Variants in SAMSN1 observed in about 807,000 individuals in gnomAD.
SAMSN1 encodes SAM domain, SH3 domain and nuclear localization signals 1.
A neutral mutation model predicts 42.0 loss-of-function variants in SAMSN1; 31 were observed. The ratio of observed to expected loss-of-function variants is 0.74; its 90% CI spans 0.55 to 1.00. The LOEUF is 1.00. SAMSN1 is among the 50% of genes least tolerant of loss of function. The pLI is 0.00. For synonymous variants in SAMSN1, 178 were observed against 151.9 expected, an observed-to-expected ratio of 1.17 and a Z score of -1.26; for missense variants, 464 against 439.4, an observed-to-expected ratio of 1.06 and a Z score of -0.50.
At chr21:14,606,611 A>G (rs1982577141) in intron 5 of SAMSN1, among the ~76,000 whole-genome samples, 2 of 152,210 alleles carry the variant, frequency 1.3e-5, no homozygotes, top group Admixed American at 1.3e-4. Flanking sequence ...CTGAAAATTT[A>G]ACAATTAACC....
At chr21:14,650,792 GAA>G (rs1233292180) in intron 1 of SAMSN1, among the ~76,000 whole-genome samples, 1 of 151,440 alleles carries the variant, frequency 6.6e-6, no homozygotes, top group East Asian at 1.9e-4. Flanking sequence ...TAGACAGACT[GAA>G]AAAAAGAGAT....
chr21:14,587,612 A>G (rs1389757576), upstream of SAMSN1, among the ~76,000 whole-genome samples: 6 of 152,090 alleles, frequency 3.9e-5, no homozygotes, highest in Admixed American at 3.9e-4. Context: ...GCATGCACAC[A>G]TACCACTTTT....
intron 1 of SAMSN1, among the ~76,000 whole-genome samples, chr21:14,528,693 A>G (rs1455545826): frequency 6.6e-6 from 1 of 152,100 alleles, no homozygotes; most frequent in African/African-American, 2.4e-5. Flanking sequence ...TTTTTTCATT[A>G]CTTTTACTCA....
chr21:14,616,155 A>G (rs1230149974), intron 2 of SAMSN1: 6 of 343,934 alleles, frequency 1.7e-5, no homozygotes, highest in Non-Finnish European at 3.3e-5. Flanking sequence ...CCCTAGTGAA[A>G]AAGACTGATA....
intron 7 of SAMSN1, among the ~76,000 whole-genome samples, chr21:14,491,648 T>A (rs1008010967): frequency 6.6e-6 from 1 of 152,320 alleles, no homozygotes. Flanking sequence ...TTTGTCTAAT[T>A]CAGTATACAA....
intron 4 of SAMSN1, chr21:14,612,836 G>C (rs1372508130): frequency 5.8e-6 from 4 of 692,486 alleles, no homozygotes; most frequent in Non-Finnish European, 1.1e-5. Context: ...TGGGGAGACA[G>C]AATACATCGT....
At chr21:14,623,252 C>T (rs1316908215) in intron 2 of SAMSN1, among the ~76,000 whole-genome samples, 2 of 152,204 alleles carry the variant, frequency 1.3e-5, no homozygotes, top group Non-Finnish European at 2.9e-5. Context: ...ATGGCAGGAT[C>T]AAATTCACAC....
At position 14,629,747 on chromosome 21, in the gene SAMSN1, G is replaced by A. The variant is rs149182618; in HGVS notation, c.156+13255C>T. Among the ~76,000 whole-genome samples the A allele has an allele frequency of 2.9e-4, 44 of 152,254 alleles. 1 individual carries two copies. In the East Asian group the frequency reaches 6.0e-3, roughly 21 times the overall value. The stretch of plus-strand genomic sequence containing the variant: ...CTTTGCCATTTGTCTACTAGTGTGC[G>A]AAGAGAGCTTTATATCAATCCTAAA... On this transcript the variant is annotated intron_variant, in intron 2 of 15. Transcript: ENST00000647101.
chr21:14,578,464 C>T (rs1417847383), intron 2 of SAMSN1, among the ~76,000 whole-genome samples: 4 of 151,886 alleles, frequency 2.6e-5, no homozygotes, highest in African/African-American at 7.3e-5. Context: ...CCAAGCAGAT[C>T]ACAAGGTCAG....
At chr21:14,588,760 A>C (rs1397955174) in intron 7 of SAMSN1, among the ~76,000 whole-genome samples, 1 of 151,728 alleles carries the variant, frequency 6.6e-6, no homozygotes. Flanking sequence ...CGTCTATTCT[A>C]TCTCCAAAAT....
chr21:14,516,962 AT>A lies in SAMSN1; in HGVS notation c.208del (p.Met70Ter). 6.2e-7 allele frequency: 1 copy of A among 1,613,208 alleles called. No homozygotes were observed. Among genetic ancestry groups the A allele is most frequent in the Non-Finnish European group, 8.5e-7 (1 of 1,179,492 alleles). On this transcript the variant is annotated frameshift_variant, in exon 3 of 8. Transcript: ENST00000400566. LOFTEE classifies it high-confidence loss of function. ...SNNGGGLGKKMRAISWTMKKK... is the reference protein window; with the variant it reads ...SNNGGGLGKKXRAISWTMKKK... ...CTTCATTGTCCATGAAATAGCTCTC[AT>A]TTTTTTACCCAAACCGCCTCCATTA...
chr21:14,579,998 G>C (rs1051577949), intron 2 of SAMSN1, among the ~76,000 whole-genome samples: 8 of 152,132 alleles, frequency 5.3e-5, no homozygotes, highest in Admixed American at 2.0e-4. Flanking sequence ...GGCAGGATGT[G>C]TTTCATGGAT....
intron 7 of SAMSN1, chr21:14,496,165 C>G (rs1986907724): frequency 6.6e-6 from 1 of 152,180 alleles, no homozygotes; most frequent in Admixed American, 6.5e-5. Context: ...CGCCTTTTAC[C>G]TTCTGATATA....
chr21:14,492,802 T>G (rs116136), intron 7 of SAMSN1, among the ~76,000 whole-genome samples: 63,144 of 152,080 alleles, frequency 0.42, 13,389 homozygotes, highest in Non-Finnish European at 0.48. Context: ...TTAAATTGCA[T>G]GAGGGCAAAC....
At chr21:14,505,930 A>C (rs1302521375) in intron 5 of SAMSN1, among the ~76,000 whole-genome samples, 1 of 152,224 alleles carries the variant, frequency 6.6e-6, no homozygotes, top group Non-Finnish European at 1.5e-5. Flanking sequence ...AAAACTGGAA[A>C]TTAACTGCAA....
intron 2 of SAMSN1, among the ~76,000 whole-genome samples, chr21:14,581,610 C>T (rs953446512): frequency 5.3e-5 from 8 of 151,586 alleles, no homozygotes; most frequent in African/African-American, 1.5e-4. Context: ...CCTCCCGCCT[C>T]GGCCTCCCAA....
At chr21:14,597,578 G>A (rs1220329960) in intron 6 of SAMSN1, among the ~76,000 whole-genome samples, 2 of 152,170 alleles carry the variant, frequency 1.3e-5, no homozygotes, top group Non-Finnish European at 2.9e-5. Flanking sequence ...GCAGAGTTTA[G>A]CATTAGCAAA....
At chr21:14,552,516 A>C (rs560391403) in intron 2 of SAMSN1, among the ~76,000 whole-genome samples, 38 of 152,226 alleles carry the variant, frequency 2.5e-4, no homozygotes, top group Middle Eastern at 3.4e-3. Context: ...CACCATGTGA[A>C]GACATAGCAA....
In SAMSN1 at chr21:14,608,389, C is replaced by A. The variant is rs1982619015; in HGVS notation, c.322+1093G>T. On this transcript the variant is annotated intron_variant, in intron 5 of 15. Transcript: ENST00000647101. ...GTGGAAAGCAACACAGGGCAAAATT[C>A]AGCTGTCCACTACAGGGGGAGCATA... Among the ~76,000 whole-genome samples, 3 of 152,278 alleles carry A rather than the reference C, an allele frequency of 2.0e-5. No individual in the cohort carries two copies. The South Asian group carries it at 6.2e-4, about 32-fold the overall frequency.
Sources: gnomAD v4.1 joint callset for allele counts (sites outside exome capture counted in the v4.1 genomes callset) on GRCh38, gnomAD v4.1.1 for gene constraint, MANE v1.5 for transcripts, NCBI Gene and HGNC (gene_info 2026-07-23, HGNC 2026-07-21) for gene names.